The following BTRC variants were observed in gnomAD, a reference collection of about 807,000 sequenced individuals.
The protein encoded by BTRC is beta-transducin repeat containing E3 ubiquitin protein ligase.
BTRC carries 42 observed loss-of-function variants against 85.5 expected under a neutral mutation model. The observed-to-expected ratio is 0.49, with a 90% CI of 0.38 to 0.64. The LOEUF (loss-of-function observed/expected upper bound fraction) is 0.64. Among genes scored for constraint, BTRC ranks in the 30% least tolerant of loss-of-function variants. BTRC has a pLI of 0.00. For missense variants in BTRC, 594 were observed against 743.5 expected (o/e 0.80, Z 2.34); for synonymous variants, 255 against 263.3 (o/e 0.97, Z 0.30).
chr10:101,544,882 C>T (rs1053025961), intron 13 of BTRC, among the ~76,000 whole-genome samples: 2 of 151,992 alleles, frequency 1.3e-5, no homozygotes, highest in Non-Finnish European at 2.9e-5. Flanking sequence ...CATGGCAACC[C>T]CTTCTCTTCA....
At chr10:101,526,452 C>A (rs1052645561) in intron 6 of BTRC, among the ~76,000 whole-genome samples, 1 of 152,230 alleles carries the variant, frequency 6.6e-6, no homozygotes, top group African/African-American at 2.4e-5. Flanking sequence ...GATCAGCCCT[C>A]CTGTTTAAAA....
In BTRC at chr10:101,503,536, A is replaced by G. The variant is rs140771493; in HGVS notation, c.325-18103A>G. Among the ~76,000 whole-genome samples, 89 of 152,360 alleles carry G rather than the reference A, an allele frequency of 5.8e-4. No individual in the cohort carries two copies. The East Asian group carries it at 0.011, about 19-fold the overall frequency. On this transcript the variant is annotated intron_variant, in intron 4 of 14. Coordinates refer to ENST00000370187, the MANE Select transcript of BTRC (RefSeq NM_033637.4). ...AAATTAAGAAAACAATTACCAAAGT[A>G]TTCCAGAGAGAAATGTCTTCAGTCC...
intron 14 of BTRC, among the ~76,000 whole-genome samples, chr10:101,551,620 A>G (rs1339244413): frequency 6.6e-6 from 1 of 152,176 alleles, no homozygotes; most frequent in East Asian, 1.9e-4. Flanking sequence ...GCTGCTGAGG[A>G]GCGTTGCTGT....
intron 1 of BTRC, among the ~76,000 whole-genome samples, chr10:101,392,433 G>A (rs1231158013): frequency 1.3e-5 from 2 of 152,090 alleles, no homozygotes; most frequent in African/African-American, 4.8e-5. Flanking sequence ...AAGGGAACAC[G>A]TATCAAAAAA....
At chr10:101,501,391 C>T (rs1378435474) in intron 4 of BTRC, among the ~76,000 whole-genome samples, 1 of 152,204 alleles carries the variant, frequency 6.6e-6, no homozygotes, top group Non-Finnish European at 1.5e-5. Flanking sequence ...CATGAACTCC[C>T]ATGCCAGCAG....
Position 101,488,767 on chromosome 10 carries a change from G to A in BTRC, c.324+9310G>A, listed in dbSNP as rs543261758. Among the ~76,000 whole-genome samples, 6 of 151,942 alleles carry A rather than the reference G, an allele frequency of 3.9e-5. No individual in the cohort carries two copies. The East Asian group carries it at 9.7e-4, about 24-fold the overall frequency. ...ATTTTTTTCTTGATACTAATAATTA[G>A]GCATTTATTTGAAGTACTAATATGC... On this transcript the variant is annotated intron_variant, in intron 4 of 14. Coordinates refer to ENST00000370187, the MANE Select transcript of BTRC (RefSeq NM_033637.4).
At chr10:101,407,747 A>G (rs1426369033) in intron 1 of BTRC, among the ~76,000 whole-genome samples, 1 of 134,662 alleles carries the variant, frequency 7.4e-6, no homozygotes, top group Non-Finnish European at 1.6e-5. Flanking sequence ...TTTTTGTGAG[A>G]CAGTCTCGTT....
chr10:101,421,853 T>G (rs1944111531), intron 1 of BTRC, among the ~76,000 whole-genome samples: 1 of 152,102 alleles, frequency 6.6e-6, no homozygotes, highest in African/African-American at 2.4e-5. Flanking sequence ...TGCCACATTT[T>G]CTTAATCCAG....
chr10:101,435,464 TTG>T (rs1944503929), intron 2 of BTRC, among the ~76,000 whole-genome samples: 1 of 152,172 alleles, frequency 6.6e-6, no homozygotes, highest in Non-Finnish European at 1.5e-5. Flanking sequence ...TGTACATTCT[TTG>T]TGTCTGTTTT....
chr10:101,483,175 C>T (rs1019689396), intron 4 of BTRC, among the ~76,000 whole-genome samples: 4 of 152,048 alleles, frequency 2.6e-5, no homozygotes, highest in African/African-American at 7.3e-5. Flanking sequence ...TAGCTCTATA[C>T]GAAGGGTACC....
At chr10:101,474,951 G>A (rs1945637713) in intron 3 of BTRC, among the ~76,000 whole-genome samples, 1 of 152,124 alleles carries the variant, frequency 6.6e-6, no homozygotes, top group Admixed American at 6.5e-5. Flanking sequence ...GGAACTCTTT[G>A]AGTCAAGTTA....
chr10:101,535,147 A>G (rs972413300), intron 10 of BTRC, among the ~76,000 whole-genome samples: 2 of 152,184 alleles, frequency 1.3e-5, no homozygotes, highest in Non-Finnish European at 2.9e-5. Context: ...AGAAGAGTAA[A>G]TCAATCTGAG....
At chr10:101,431,444 G>A (rs1228699180) in intron 2 of BTRC, among the ~76,000 whole-genome samples, 1 of 152,108 alleles carries the variant, frequency 6.6e-6, no homozygotes. Context: ...GAGAAATAAT[G>A]TGGAAAATTG....
At chr10:101,467,575 A>T (rs539227335) in intron 3 of BTRC, among the ~76,000 whole-genome samples, 1 of 152,062 alleles carries the variant, frequency 6.6e-6, no homozygotes, top group East Asian at 1.9e-4. Flanking sequence ...TGTCTTGTAA[A>T]TACTTTCGTT....
intron 1 of BTRC, among the ~76,000 whole-genome samples, chr10:101,416,000 G>T (rs1048754249): frequency 1.3e-5 from 2 of 152,124 alleles, no homozygotes; most frequent in Non-Finnish European, 2.9e-5. Flanking sequence ...TAGGCGTGTG[G>T]TAGTACCTTC....
rs563236134 is a variant in BTRC, at chr10:101,392,081, G to A, written c.48+37853G>A. Among the ~76,000 whole-genome samples the A allele has an allele frequency of 6.2e-4, 94 of 152,320 alleles. 1 individual carries two copies. Among genetic ancestry groups the A allele is most frequent in the African/African-American group, 2.0e-3 (82 of 41,568 alleles). On this transcript the variant is annotated intron_variant, in intron 1 of 14. Coordinates refer to ENST00000370187, the MANE Select transcript of BTRC (RefSeq NM_033637.4). The stretch of plus-strand genomic sequence containing the variant: ...TGCAACTTCTGCCTCCCGGGTTCAA[G>A]TGTTTCTCTTGCCTAAGCCTCCCAT...
chr10:101,406,434 G>C (rs928030001), intron 1 of BTRC, among the ~76,000 whole-genome samples: 2 of 151,066 alleles, frequency 1.3e-5, no homozygotes, highest in African/African-American at 4.9e-5. Context: ...AAAGTGCTGG[G>C]ATTACAGGCG....
intron 1 of BTRC, among the ~76,000 whole-genome samples, chr10:101,413,243 A>G (rs766138313): frequency 2.1e-4 from 32 of 151,876 alleles, no homozygotes; most frequent in Non-Finnish European, 3.4e-4. Flanking sequence ...TCCTGTGTTC[A>G]GGCAATTCTC....
chr10:101,386,210 C>G (rs546669290), intron 1 of BTRC, among the ~76,000 whole-genome samples: 2 of 152,156 alleles, frequency 1.3e-5, no homozygotes, highest in East Asian at 1.9e-4. Flanking sequence ...CAGGACCTTT[C>G]TATTTTTATA....
Sources: allele counts gnomAD v4.1 joint callset (sites outside exome capture counted in the v4.1 genomes callset), GRCh38; gene constraint gnomAD v4.1.1; transcripts MANE v1.5; gene names NCBI Gene and HGNC (gene_info 2026-07-23, HGNC 2026-07-21).